TMEM178B: variants seen among roughly 807,000 people sequenced by gnomAD.
TMEM178B encodes transmembrane protein 178B.
A neutral mutation model predicts 31.0 loss-of-function variants in TMEM178B; 5 were observed. That is an observed-to-expected ratio of 0.16 (90% CI 0.08 to 0.34). The LOEUF (loss-of-function observed/expected upper bound fraction) is 0.34. Among genes scored for constraint, TMEM178B ranks in the 10% least tolerant of loss-of-function variants. TMEM178B has a pLI of 1.00. For synonymous variants in TMEM178B, 164 were observed against 164.0 expected (o/e 1.00, Z 0.00); for missense variants, 275 against 400.3 (o/e 0.69, Z 2.67).
intron 1 of TMEM178B, among the ~76,000 whole-genome samples, chr7:141,114,622 C>T (rs1795289290): frequency 6.6e-6 from 1 of 152,236 alleles, no homozygotes; most frequent in South Asian, 2.1e-4. Flanking sequence ...TTCTATTTGT[C>T]TCTTTCCAAA....
intron 1 of TMEM178B, among the ~76,000 whole-genome samples, chr7:141,091,886 C>T (rs1794887104): frequency 6.6e-6 from 1 of 152,038 alleles, no homozygotes; most frequent in Admixed American, 6.6e-5. Context: ...TGCCACCATG[C>T]CTGGCTAATT....
intron 1 of TMEM178B, among the ~76,000 whole-genome samples, chr7:141,136,858 C>T (rs1373277077): frequency 6.6e-6 from 1 of 151,812 alleles, no homozygotes; most frequent in African/African-American, 2.4e-5. Context: ...AGAGTGAGAC[C>T]CATCTCTAAA....
chr7:141,393,548 T>A (rs990976968), intron 2 of TMEM178B, among the ~76,000 whole-genome samples: 1 of 152,192 alleles, frequency 6.6e-6, no homozygotes, highest in East Asian at 1.9e-4. Flanking sequence ...CTGGACACCA[T>A]GAGATCAGAG....
At chr7:141,289,474 G>A (rs1798505891) in intron 2 of TMEM178B, among the ~76,000 whole-genome samples, 1 of 152,148 alleles carries the variant, frequency 6.6e-6, no homozygotes, top group Admixed American at 6.5e-5. Flanking sequence ...CCAGCATTTT[G>A]GGAGACCGAG....
At chr7:141,487,577 T>TA in the TMEM178B span, among the ~76,000 whole-genome samples, 1 of 151,272 alleles carries the variant, frequency 6.6e-6, no homozygotes, top group African/African-American at 2.4e-5. Context: ...CCGTCTCTAC[T>TA]AAAAAATACA....
intron 2 of TMEM178B, among the ~76,000 whole-genome samples, chr7:141,346,294 G>A (rs1413526558): frequency 6.6e-6 from 1 of 152,040 alleles, no homozygotes; most frequent in African/African-American, 2.4e-5. Flanking sequence ...ATAAAAAACA[G>A]TAAATCATGC....
chr7:141,496,131 G>A, the TMEM178B span, among the ~76,000 whole-genome samples: 1 of 152,196 alleles, frequency 6.6e-6, no homozygotes, highest in Admixed American at 6.5e-5. Flanking sequence ...GATGGAGCAA[G>A]CTAAGCACAT....
intron 2 of TMEM178B, among the ~76,000 whole-genome samples, chr7:141,279,752 G>A (rs1798324580): frequency 6.6e-6 from 1 of 152,230 alleles, no homozygotes; most frequent in South Asian, 2.1e-4. Context: ...TGACTGGAGT[G>A]TCTCTCGAGA....
At chr7:141,509,638 G>T in the TMEM178B span, among the ~76,000 whole-genome samples, 5 of 152,084 alleles carry the variant, frequency 3.3e-5, no homozygotes, top group Non-Finnish European at 7.4e-5. Context: ...CAACAAGACA[G>T]AGATTCCTTC....
intron 1 of TMEM178B, among the ~76,000 whole-genome samples, chr7:141,151,165 C>A (rs1422200188): frequency 6.6e-6 from 1 of 152,130 alleles, no homozygotes; most frequent in Non-Finnish European, 1.5e-5. Context: ...CTGACTCTCC[C>A]CTTGGCGTTT....
At chr7:141,117,568 C>T (rs1228086493) in intron 1 of TMEM178B, among the ~76,000 whole-genome samples, 1 of 152,152 alleles carries the variant, frequency 6.6e-6, no homozygotes, top group Middle Eastern at 3.2e-3. Flanking sequence ...GTGTTTTAGT[C>T]ATGAAGTCTT....
chr7:141,227,787 T>C (rs1160572122), intron 2 of TMEM178B, among the ~76,000 whole-genome samples: 5 of 152,132 alleles, frequency 3.3e-5, no homozygotes, highest in Admixed American at 6.5e-5. Context: ...CATAAGTGTT[T>C]TAGGGGACAG....
At chr7:141,284,566 T>G (rs1464434897) in intron 2 of TMEM178B, among the ~76,000 whole-genome samples, 1 of 152,206 alleles carries the variant, frequency 6.6e-6, no homozygotes, top group Admixed American at 6.5e-5. Context: ...TTTTGATGAT[T>G]TTAGCTGCCC....
At chr7:141,437,372 G>C (rs1490709715) in intron 2 of TMEM178B, among the ~76,000 whole-genome samples, 1 of 152,248 alleles carries the variant, frequency 6.6e-6, no homozygotes, top group Non-Finnish European at 1.5e-5. Context: ...ATATTGTGAT[G>C]ATCTGTCCCT....
At chr7:141,408,606 A>G (rs980824095) in intron 2 of TMEM178B, among the ~76,000 whole-genome samples, 2 of 152,176 alleles carry the variant, frequency 1.3e-5, no homozygotes, top group South Asian at 4.1e-4. Flanking sequence ...TGGAGCTTGC[A>G]TATGTGAGTG....
intron 2 of TMEM178B, among the ~76,000 whole-genome samples, chr7:141,313,588 G>T (rs1233324839): frequency 6.6e-6 from 1 of 152,154 alleles, no homozygotes; most frequent in Admixed American, 6.6e-5. Context: ...AATTAGGAGA[G>T]AAAGTTCTAT....
At chr7:141,170,074 T>G (rs1796323900) in intron 1 of TMEM178B, among the ~76,000 whole-genome samples, 1 of 152,250 alleles carries the variant, frequency 6.6e-6, no homozygotes, top group Non-Finnish European at 1.5e-5. Flanking sequence ...TTTCTACATT[T>G]TTGCCATGAT....
chr7:141,125,661 C>T (rs1795479990), intron 1 of TMEM178B, among the ~76,000 whole-genome samples: 1 of 135,318 alleles, frequency 7.4e-6, no homozygotes, highest in African/African-American at 2.8e-5. Context: ...GCCTGGGTGA[C>T]AGAGTGAGAC....
intron 2 of TMEM178B, among the ~76,000 whole-genome samples, chr7:141,247,859 A>G (rs1379011588): frequency 2.0e-5 from 3 of 152,170 alleles, no homozygotes; most frequent in African/African-American, 7.2e-5. Flanking sequence ...TGAAATTCAA[A>G]TTGAACTGAG....
Sources: gnomAD v4.1 joint callset for allele counts (sites outside exome capture counted in the v4.1 genomes callset) on GRCh38, gnomAD v4.1.1 for gene constraint, MANE v1.5 for transcripts, NCBI Gene and HGNC (gene_info 2026-07-23, HGNC 2026-07-21) for gene names.